Variants in GYS2 observed in about 807,000 individuals in gnomAD.
The protein encoded by GYS2 is glycogen synthase 2.
In GYS2, 80 loss-of-function variants were observed where a neutral mutation model predicts 85.6. That is an observed-to-expected ratio of 0.93 (90% CI 0.78 to 1.13). GYS2 has a LOEUF of 1.13. Ranked by LOEUF, GYS2 falls within the 50% of genes most tolerant of loss-of-function variation. GYS2 has a pLI of 0.00. For missense variants in GYS2, 881 were observed against 854.9 expected (o/e 1.03, Z -0.38); for synonymous variants, 328 against 300.7 (o/e 1.09, Z -0.94).
In GYS2 at chr12:21,577,949, A is replaced by AT. The variant is rs1445337111; in HGVS notation, c.304-1893dup. 3.9e-5 allele frequency among the ~76,000 whole-genome samples: 6 copies of AT among 152,232 alleles called. No homozygotes were observed. In the East Asian group the frequency reaches 9.7e-4, roughly 25 times the overall value. On this transcript the variant is annotated intron_variant, in intron 2 of 15. Transcript: ENST00000261195. ...TATCCTAAGCAACTTCAAAGTCCAG[A>AT]TTTTTTATCCTGCACACTTAACCTC...
At chr12:21,582,592 G>GATAT (rs1944523354) in intron 1 of GYS2, among the ~76,000 whole-genome samples, 1 of 128,452 alleles carries the variant, frequency 7.8e-6, no homozygotes, top group African/African-American at 3.1e-5. Flanking sequence ...GATAGATATA[G>GATAT]AGATAGATAT....
intron 1 of GYS2, among the ~76,000 whole-genome samples, chr12:21,585,171 A>C (rs139702596): frequency 6.6e-6 from 1 of 152,232 alleles, no homozygotes; most frequent in African/African-American, 2.4e-5. Context: ...TCCACTAGCA[A>C]AATTTTTGCT....
At position 21,574,237 on chromosome 12, in the gene GYS2, T is replaced by C. The variant is rs1204614614; in HGVS notation, c.585A>G (p.Lys195=). The C allele has an allele frequency of 3.1e-6, 5 of 1,613,610 alleles. No individual in the cohort carries two copies. Among genetic ancestry groups the C allele is most frequent in the Non-Finnish European group, 4.2e-6 (5 of 1,179,678 alleles). Residue 195 remains lysine (K), a synonymous_variant, in exon 4 of 16, where the codon AAA becomes AAG. Coordinates refer to ENST00000261195, the MANE Select transcript of GYS2 (RefSeq NM_021957.4). ...GIGLILSRAR[K]LPIATIFTTH... ...TTGTAAATATTGTGGCAATAGGAAG[T>C]TTCCTGGCTCGAGAAAGGATCAGTC... is the stretch of plus-strand genomic sequence containing the variant.
rs1355795729 is a variant in GYS2, at chr12:21,582,623, ATATAG to A, written c.122-2105_122-2101del. ...GATATAGATATAGATATAGATATAG[ATATAG>A]ATATAGATATATATCTCCTATTAAT... On this transcript the variant is annotated intron_variant, in intron 1 of 15. Coordinates refer to ENST00000261195, the MANE Select transcript of GYS2 (RefSeq NM_021957.4). Among the ~76,000 whole-genome samples, 5 of 151,438 alleles carry A rather than the reference ATATAG, an allele frequency of 3.3e-5. No homozygotes were observed. In the East Asian group the frequency reaches 9.6e-4, roughly 29 times the overall value.
chr12:21,557,598 T>C (rs1338891251), intron 11 of GYS2, among the ~76,000 whole-genome samples: 4 of 152,126 alleles, frequency 2.6e-5, no homozygotes, highest in Non-Finnish European at 5.9e-5. Context: ...ATTGGTATCA[T>C]TAAAAAGTAA....
intron 12 of GYS2, among the ~76,000 whole-genome samples, chr12:21,543,839 G>A (rs2054434): frequency 0.69 from 105,286 of 151,936 alleles, 37,925 homozygotes; most frequent in South Asian, 0.8. Flanking sequence ...GAGAACATGC[G>A]GTGTTTGGTT....
At chr12:21,560,818 A>G (rs1944244418) in intron 7 of GYS2, among the ~76,000 whole-genome samples, 1 of 152,204 alleles carries the variant, frequency 6.6e-6, no homozygotes, top group African/African-American at 2.4e-5. Context: ...ATTGCTATTG[A>G]TGACACTGTG....
chr12:21,540,311 A>T lies in GYS2; in HGVS notation c.1809+99T>A, dbSNP rs1169766712. 2.9e-6 allele frequency: 3 copies of T among 1,041,072 alleles called. No individual in the cohort carries two copies. The Admixed American group carries it at 5.7e-5, about 20-fold the overall frequency. 64.5% of individuals were successfully genotyped at this position (1,041,072 alleles called of 1,614,324 possible). A position where few individuals can be genotyped will look rare whatever the true frequency, so the allele number is the denominator to read the frequency against. ...GAGACACTGAGATTTTAACAATTATAATATTGGATTAACTTTAGAGATTAT... is the reference window on the plus strand; with the variant it reads ...GAGACACTGAGATTTTAACAATTATTATATTGGATTAACTTTAGAGATTAT... On this transcript the variant is annotated intron_variant, in intron 14 of 15. Coordinates refer to ENST00000261195, the MANE Select transcript of GYS2 (RefSeq NM_021957.4).
Position 21,559,680 on chromosome 12 carries a change from A to G in GYS2, c.1200T>C (p.Phe400=), listed in dbSNP as rs777121860. ...WDVAHSVKEK[F]GKKLYDALLR... ...ATAATGCATCATAGAGTTTTTTTCC[A>G]AACTTTTCCTTCACAGAATGTGCAA... Residue 400 remains phenylalanine, a synonymous_variant, in exon 9 of 16, where the codon TTT becomes TTC. Coordinates refer to ENST00000261195, the MANE Select transcript of GYS2 (RefSeq NM_021957.4). 1 of 1,595,328 alleles carries G rather than the reference A, an allele frequency of 6.3e-7. No individual in the cohort carries two copies. The highest frequency in any genetic ancestry group is 1.1e-5 in the South Asian group (1 of 90,656).
At chr12:21,545,164 C>T (rs11046110) in intron 12 of GYS2, among the ~76,000 whole-genome samples, 21 of 152,066 alleles carry the variant, frequency 1.4e-4, no homozygotes, top group African/African-American at 4.8e-4. Flanking sequence ...GTGAAGAGGC[C>T]GGGTGTGATG....
At position 21,541,290 on chromosome 12, in the gene GYS2, AAC is replaced by A. The variant is rs1555153449; in HGVS notation, c.1646-719_1646-718del. Among the ~76,000 whole-genome samples the A allele has an allele frequency of 1.5e-4, 21 of 136,104 alleles. 2 individuals carry two copies. Among genetic ancestry groups the A allele is most frequent in the South Asian group, 2.3e-4 (1 of 4,300 alleles). The allele number at this position is 136,104 out of a possible 152,430, so 89.3% of individuals were successfully genotyped here. A position where few individuals can be genotyped will look rare whatever the true frequency, so the allele number is the denominator to read the frequency against. ...TTCCAAAAAAAAAAAAAAAAAAAAA[AAC>A]AAAAAACCCAGGGAAATGGCAATGT... On this transcript the variant is annotated intron_variant, in intron 13 of 15. Coordinates refer to ENST00000261195, the MANE Select transcript of GYS2 (RefSeq NM_021957.4).
At chr12:21,566,396 T>A (rs571040289) in intron 5 of GYS2, among the ~76,000 whole-genome samples, 1 of 152,074 alleles carries the variant, frequency 6.6e-6, no homozygotes, top group Non-Finnish European at 1.5e-5. Flanking sequence ...ATATGTTTAA[T>A]GATCTACTAA....
At chr12:21,560,078 C>T (rs562798421) in intron 8 of GYS2, among the ~76,000 whole-genome samples, 23 of 152,216 alleles carry the variant, frequency 1.5e-4, no homozygotes, top group Admixed American at 1.4e-3. Context: ...TATTACTAAG[C>T]TTTTTACTTG....
chr12:21,591,123 G>T (rs1034192084), intron 1 of GYS2, among the ~76,000 whole-genome samples: 31 of 151,988 alleles, frequency 2.0e-4, no homozygotes, highest in Admixed American at 4.6e-4. Context: ...TAATTCTTCA[G>T]CAACATAAGC....
intron 7 of GYS2, among the ~76,000 whole-genome samples, chr12:21,561,602 C>A (rs1478972521): frequency 6.6e-6 from 1 of 152,104 alleles, no homozygotes; most frequent in Non-Finnish European, 1.5e-5. Context: ...TCAGTCTTTT[C>A]TTCATATCTA....
intron 1 of GYS2, among the ~76,000 whole-genome samples, chr12:21,589,530 A>G (rs1379926141): frequency 6.6e-6 from 1 of 152,210 alleles, no homozygotes; most frequent in Non-Finnish European, 1.5e-5. Flanking sequence ...AAAATCCCAC[A>G]TAAGAGAGAA....
intron 6 of GYS2, 28 bp downstream of exon 6, chr12:21,563,200 T>A (rs1944276600): frequency 7.3e-7 from 1 of 1,375,314 alleles, no homozygotes; most frequent in Non-Finnish European, 1.0e-6. Flanking sequence ...CTGATACTTC[T>A]TTTTCTTTTT....
chr12:21,597,283 C>T (rs1022471103), intron 1 of GYS2, among the ~76,000 whole-genome samples: 28 of 151,762 alleles, frequency 1.8e-4, no homozygotes, highest in Admixed American at 6.6e-4. Flanking sequence ...CTGTTGAATG[C>T]GAGAAAATAT....
intron 1 of GYS2, among the ~76,000 whole-genome samples, chr12:21,603,784 A>T (rs1458564142): frequency 6.6e-6 from 1 of 152,148 alleles, no homozygotes; most frequent in Non-Finnish European, 1.5e-5. Context: ...ATAATTTTAC[A>T]GATGTCTTTA....
Sources: allele counts gnomAD v4.1 joint callset (sites outside exome capture counted in the v4.1 genomes callset), GRCh38; gene constraint gnomAD v4.1.1; transcripts MANE v1.5; gene names NCBI Gene and HGNC (gene_info 2026-07-23, HGNC 2026-07-21).